The following BTBD16 variants were observed in gnomAD, a reference collection of about 807,000 sequenced individuals.
The protein encoded by BTBD16 is BTB domain containing 16, also known as BTB/POZ domain-containing protein 16.
A neutral mutation model predicts 67.4 loss-of-function variants in BTBD16; 66 were observed. The observed-to-expected ratio is 0.98, with a 90% CI of 0.80 to 1.20. The LOEUF (loss-of-function observed/expected upper bound fraction) is 1.20. BTBD16 is among the 50% of genes most tolerant of loss of function. BTBD16 has a pLI of 0.00. For synonymous variants in BTBD16, 242 were observed against 236.4 expected (o/e 1.02, Z -0.22); for missense variants, 634 against 616.0 (o/e 1.03, Z -0.31).
At chr10:122,271,826 G>T (rs936461550) in intron 1 of BTBD16, among the ~76,000 whole-genome samples, 2 of 151,070 alleles carry the variant, frequency 1.3e-5, no homozygotes, top group Admixed American at 1.3e-4. Flanking sequence ...AGCTAAAAAA[G>T]TTCTTAGATA....
chr10:122,294,173 G>C (rs1216408299), intron 7 of BTBD16: 2 of 985,314 alleles, frequency 2.0e-6, no homozygotes, highest in African/African-American at 1.7e-5. Flanking sequence ...GCTGGGTCTT[G>C]CCTGCCTTTG....
chr10:122,276,167 A>G (rs1026710495), intron 2 of BTBD16, among the ~76,000 whole-genome samples: 2 of 152,240 alleles, frequency 1.3e-5, no homozygotes, highest in African/African-American at 4.8e-5. Context: ...GTCAGAACAT[A>G]GGGGCTAATC....
At chr10:122,322,277 G>T (rs1032964180) in intron 10 of BTBD16, among the ~76,000 whole-genome samples, 1 of 152,078 alleles carries the variant, frequency 6.6e-6, no homozygotes, top group Non-Finnish European at 1.5e-5. Context: ...TTAGATATCT[G>T]ATTTCCAGGC....
chr10:122,278,604 A>T (rs2096345816), intron 3 of BTBD16, among the ~76,000 whole-genome samples: 1 of 151,798 alleles, frequency 6.6e-6, no homozygotes, highest in South Asian at 2.1e-4. Flanking sequence ...GCCAGTCAAC[A>T]CCCCCTTTAT....
chr10:122,334,068 A>ATTTCAGTTTAGC (rs1251898772), intron 13 of BTBD16, among the ~76,000 whole-genome samples: 3 of 152,010 alleles, frequency 2.0e-5, no homozygotes, highest in Non-Finnish European at 4.4e-5. Flanking sequence ...ACTACCAAGG[A>ATTTCAGTTTAGC]TTTCAGTTTA....
chr10:122,279,812 G>A (rs1022626646), intron 3 of BTBD16, among the ~76,000 whole-genome samples: 10 of 152,170 alleles, frequency 6.6e-5, no homozygotes, highest in Non-Finnish European at 1.2e-4. Context: ...TGGTGTCATT[G>A]CTGCTTTTCC....
chr10:122,307,409 C>A, intron 10 of BTBD16, 101 bp downstream of exon 10: 2 of 1,266,614 alleles, frequency 1.6e-6, no homozygotes, highest in South Asian at 1.7e-5. Context: ...TATAATTTTT[C>A]ATAGCATCAT....
Position 122,275,023 on chromosome 10 carries a change from C to T in BTBD16, c.-42-17C>T, listed in dbSNP as rs1432246686. Reference sequence around the variant, plus strand: ...AAAAGTATGGAAAATGTCACCTTTACCTCTTTTGTCTTCTAGGTTGCTTGT... The same window carrying T: ...AAAAGTATGGAAAATGTCACCTTTATCTCTTTTGTCTTCTAGGTTGCTTGT... On this transcript the variant is annotated splice_polypyrimidine_tract_variant and intron_variant, in intron 1 of 15. Coordinates refer to ENST00000260723, the MANE Select transcript of BTBD16 (RefSeq NM_144587.5). 1.3e-6 allele frequency: 2 copies of T among 1,585,224 alleles called. No individual in the cohort carries two copies. The highest frequency in any genetic ancestry group is 1.3e-5 in the African/African-American group (1 of 74,236).
chr10:122,303,699 T>G, intron 9 of BTBD16: 1 of 878,402 alleles, frequency 1.1e-6, no homozygotes, highest in Non-Finnish European at 1.4e-6. Context: ...TTTTTTCCCC[T>G]AAAGAACAAT....
chr10:122,309,054 A>G (rs12264658), intron 10 of BTBD16, among the ~76,000 whole-genome samples: 6,282 of 152,254 alleles, frequency 0.041, 427 homozygotes, highest in African/African-American at 0.14. Flanking sequence ...AGCAGCTTCA[A>G]CAAAGGGCTT....
In BTBD16 at chr10:122,275,061, G is replaced by A; in HGVS notation, c.-21G>A. On this transcript the variant is annotated 5_prime_UTR_variant, in exon 2 of 16. Coordinates refer to ENST00000260723, the MANE Select transcript of BTBD16 (RefSeq NM_144587.5). ...CTAGGTTGCTTGTCTTTTCTCTCCT[G>A]CGTAATTTCCACTTTCATTCATGAT... 1 of 1,613,722 alleles carries A rather than the reference G, an allele frequency of 6.2e-7. No homozygotes were observed. The highest frequency in any genetic ancestry group is 8.5e-7 in the Non-Finnish European group (1 of 1,179,744).
chr10:122,294,093 G>C (rs554578675), intron 7 of BTBD16: 24 of 983,020 alleles, frequency 2.4e-5, no homozygotes, highest in Admixed American at 6.1e-5. Context: ...ACCTGCCCAA[G>C]ATTCTCCAGA....
chr10:122,331,872 G>T (rs554481003), intron 12 of BTBD16: 1 of 155,356 alleles, frequency 6.4e-6, no homozygotes, highest in Non-Finnish European at 1.4e-5. Context: ...AGCGCTCCCC[G>T]CACCATAGAT....
intron 13 of BTBD16, chr10:122,332,960 A>G: frequency 1.0e-6 from 1 of 985,374 alleles, no homozygotes; most frequent in South Asian, 4.7e-5. Flanking sequence ...GGATTTCAGA[A>G]TAAAACTGCA....
rs928463457 is a variant in BTBD16 at position 122,291,084 on chromosome 10, C to T, written c.480C>T (p.Phe160=). 2.4e-5 allele frequency: 38 copies of T among 1,610,026 alleles called. No homozygotes were observed. Among genetic ancestry groups the T allele is most frequent in the Non-Finnish European group, 2.6e-5 (31 of 1,178,400 alleles). The change falls in exon 7 of 16, where the codon TTC becomes TTT. Residue 160 remains phenylalanine (F), a synonymous_variant. Coordinates refer to ENST00000260723, the MANE Select transcript of BTBD16 (RefSeq NM_144587.5). ...CGCTTGGCTGTGCCTCCCCAGCCTT[C>T]GCCACGGCCCTGAAGAACCTCTACA... ...INDPLVTKVA[F]ATALKNLYMS...
intron 1 of BTBD16, among the ~76,000 whole-genome samples, chr10:122,274,055 A>C (rs2142038656): frequency 6.6e-6 from 1 of 152,326 alleles, no homozygotes; most frequent in Non-Finnish European, 1.5e-5. Flanking sequence ...ATGCAGGTGA[A>C]GTGCTGTTTG....
At chr10:122,326,606 G>T (rs148856410) in intron 10 of BTBD16, among the ~76,000 whole-genome samples, 1 of 152,166 alleles carries the variant, frequency 6.6e-6, no homozygotes, top group Non-Finnish European at 1.5e-5. Context: ...AAGTTGTGGC[G>T]AAGAGCACCT....
At chr10:122,336,767 C>T (rs2096464011) in intron 15 of BTBD16, 85 bp downstream of exon 15, 3 of 1,236,464 alleles carry the variant, frequency 2.4e-6, no homozygotes, top group African/African-American at 3.1e-5. Flanking sequence ...CTTCTAATCT[C>T]CAGTGCTCTA....
intron 3 of BTBD16, among the ~76,000 whole-genome samples, chr10:122,277,355 G>T (rs1467118374): frequency 6.6e-6 from 1 of 152,088 alleles, no homozygotes; most frequent in Non-Finnish European, 1.5e-5. Flanking sequence ...GGCATTCCGA[G>T]CAGTAGGCTA....
Sources: gnomAD v4.1 joint callset for allele counts (sites outside exome capture counted in the v4.1 genomes callset) on GRCh38, gnomAD v4.1.1 for gene constraint, MANE v1.5 for transcripts, NCBI Gene and HGNC (gene_info 2026-07-23, HGNC 2026-07-21) for gene names.